Variants in SLAIN1 observed in about 807,000 individuals in gnomAD.
SLAIN1 encodes SLAIN motif-containing protein 1.
Under a neutral mutation model 55.4 loss-of-function variants are expected in SLAIN1, and 17 were observed. The ratio of observed to expected loss-of-function variants is 0.31; its 90% CI spans 0.21 to 0.46. The LOEUF is 0.46. SLAIN1 is among the 20% of genes least tolerant of loss of function. The pLI is 1.00. For missense variants in SLAIN1, 682 were observed against 785.1 expected (o/e 0.87, Z 1.57); for synonymous variants, 348 against 337.4 (o/e 1.03, Z -0.35).
At chr13:77,741,405 G>T (rs971897215) in intron 2 of SLAIN1, 3 of 987,470 alleles carry the variant, frequency 3.0e-6, no homozygotes, top group Non-Finnish European at 3.6e-6. Context: ...GCATGTCTGT[G>T]TTCTGGCTCC....
chr13:77,710,623 A>G (rs2091139119), intron 1 of SLAIN1, among the ~76,000 whole-genome samples: 1 of 152,066 alleles, frequency 6.6e-6, no homozygotes, highest in Non-Finnish European at 1.5e-5. Context: ...GGAGACTTAG[A>G]CTCCCACACA....
At chr13:77,719,384 G>A (rs2091239873) in intron 1 of SLAIN1, 148 bp from the exon 2 acceptor site, 1 of 480,836 alleles carries the variant, frequency 2.1e-6, no homozygotes, top group Non-Finnish European at 3.5e-6. Context: ...GGGGATATTT[G>A]CCTGTTAAAA....
At chr13:77,718,458 A>G (rs181790042) in intron 1 of SLAIN1, among the ~76,000 whole-genome samples, 1 of 152,262 alleles carries the variant, frequency 6.6e-6, no homozygotes, top group East Asian at 1.9e-4. Flanking sequence ...TCCTTTACAG[A>G]AAACATTTGG....
intron 6 of SLAIN1, among the ~76,000 whole-genome samples, chr13:77,761,475 T>C (rs1875015373): frequency 6.6e-6 from 1 of 152,178 alleles, no homozygotes; most frequent in Non-Finnish European, 1.5e-5. Context: ...TATCCAAAAA[T>C]TGTAGGGCGG....
chr13:77,730,199 T>G (rs544691707), intron 2 of SLAIN1, among the ~76,000 whole-genome samples: 1 of 152,238 alleles, frequency 6.6e-6, no homozygotes, highest in African/African-American at 2.4e-5. Flanking sequence ...CAGTTAAAGA[T>G]TCTGGATTTT....
chr13:77,726,404 G>A (rs2091308662), intron 2 of SLAIN1, among the ~76,000 whole-genome samples: 1 of 151,998 alleles, frequency 6.6e-6, no homozygotes, highest in Admixed American at 6.6e-5. Context: ...ATTCTTATAG[G>A]GAATATTAAT....
rs774796715 is a variant in SLAIN1 at position 77,753,254 on chromosome 13, C to T, written c.1310C>T (p.Ala437Val). 2.5e-6 allele frequency: 4 copies of T among 1,612,820 alleles called. No homozygotes were observed. The highest frequency in any genetic ancestry group is 1.7e-6 in the Non-Finnish European group (2 of 1,179,446). Residue 437 changes from alanine (A) to valine (V), a missense_variant, in exon 5 of 7, where the codon GCC becomes GTC. Physicochemically the swap from Ala to Val is moderately conservative, Grantham distance 64 (BLOSUM62 0). Transcript: ENST00000418532. ...PNLARMPSTT[A>V]ISSNISSPVT... is the part of the protein sequence containing the mutation. ...CTAGCCCGGATGCCAAGTACAACTG[C>T]CATTAGTAGCAACATTAGTTCTCCG...
chr13:77,710,169 A>G (rs1279379249), intron 1 of SLAIN1, among the ~76,000 whole-genome samples: 2 of 152,192 alleles, frequency 1.3e-5, no homozygotes, highest in Admixed American at 6.5e-5. Context: ...AACCACATCA[A>G]CTAATGGGCA....
intron 1 of SLAIN1, among the ~76,000 whole-genome samples, chr13:77,706,383 ACTT>A (rs922748861): frequency 1.3e-5 from 2 of 152,098 alleles, no homozygotes; most frequent in Admixed American, 6.6e-5. Context: ...TAGTAATGGC[ACTT>A]CTTCTCTCCT....
At chr13:77,727,585 A>G (rs1012299430) in intron 2 of SLAIN1, among the ~76,000 whole-genome samples, 7 of 151,824 alleles carry the variant, frequency 4.6e-5, no homozygotes, top group Non-Finnish European at 1.0e-4. Flanking sequence ...TGGGGGTTTC[A>G]GTCTGTTTTG....
In SLAIN1 at chr13:77,698,554, C is replaced by A; in HGVS notation, c.626+15C>A. 7.1e-7 allele frequency: 1 copy of A among 1,408,988 alleles called. No homozygotes were observed. The highest frequency in any genetic ancestry group is 1.6e-5 in the South Asian group (1 of 64,036). 87.3% of individuals were successfully genotyped at this position (1,408,988 alleles called of 1,614,324 possible). A position where few individuals can be genotyped will look rare whatever the true frequency, so the allele number is the denominator to read the frequency against. On this transcript the variant is annotated intron_variant, in intron 1 of 6. Transcript: ENST00000418532. The surrounding 1 kb of genome is among the most constrained non-coding windows in gnomAD (Gnocchi z 4.1). ...GACTACACCTGGTACTGCCTGGCTCCGCTCCTTCCCCGAGACCCTGGCCTC... is the reference window on the plus strand; with the variant it reads ...GACTACACCTGGTACTGCCTGGCTCAGCTCCTTCCCCGAGACCCTGGCCTC...
intron 5 of SLAIN1, among the ~76,000 whole-genome samples, chr13:77,760,451 TCTC>T (rs1167711336): frequency 1.3e-5 from 2 of 152,140 alleles, no homozygotes; most frequent in African/African-American, 2.4e-5. Context: ...TATTAAAGTA[TCTC>T]CTCATTTTAT....
rs1041353822 is a variant in SLAIN1 at position 77,720,135 on chromosome 13, G to A, written c.766+464G>A. ...TTAAAAACTAAGAAATCTTCATATT[G>A]TCTGTAACATTAATTAACTTATGGA... On this transcript the variant is annotated intron_variant, in intron 2 of 6. Transcript: ENST00000418532. Among the ~76,000 whole-genome samples, 9 of 151,886 alleles carry A rather than the reference G, an allele frequency of 5.9e-5. No individual in the cohort carries two copies. In the East Asian group the frequency reaches 1.3e-3, roughly 23 times the overall value.
intron 5 of SLAIN1, among the ~76,000 whole-genome samples, chr13:77,757,398 G>T (rs1874679159): frequency 6.6e-6 from 1 of 151,788 alleles, no homozygotes; most frequent in African/African-American, 2.4e-5. Flanking sequence ...TTTTTATAAA[G>T]CTTTTTGACT....
chr13:77,747,007 A>G (rs1053013419), intron 4 of SLAIN1, 152 bp downstream of exon 4: 1 of 665,258 alleles, frequency 1.5e-6, no homozygotes, highest in African/African-American at 1.8e-5. Context: ...GCTCACTGCA[A>G]CCTCCACCTC....
rs1221301495 is a variant in SLAIN1 at position 77,698,399 on chromosome 13, C to T, written c.486C>T (p.Gly162=). The stretch of plus-strand genomic sequence containing the variant: ...CAGGCTTCTTCGGCGCGGGCGGTGG[C>T]GGGCCGGAGCCGGGGGGCGCGGGGA... ...PAAGFFGAGG[G]GPEPGGAGTP... is the part of the protein sequence containing the mutation. Residue 162 remains glycine (G), a synonymous_variant, in exon 1 of 7, where the codon GGC becomes GGT. Transcript: ENST00000418532. This position sits in a 1 kb window ranked among gnomAD's most constrained non-coding sequence, Gnocchi z 4.1. 1.4e-6 allele frequency: 2 copies of T among 1,404,424 alleles called. No homozygotes were observed. Among genetic ancestry groups the T allele is most frequent in the Non-Finnish European group, 1.8e-6 (2 of 1,081,734 alleles). The allele number at this position is 1,404,424 out of a possible 1,614,324, so 87.0% of individuals were successfully genotyped here. A position where few individuals can be genotyped will look rare whatever the true frequency, so the allele number is the denominator to read the frequency against.
chr13:77,752,397 C>T (rs1210239015), intron 4 of SLAIN1, among the ~76,000 whole-genome samples: 3 of 150,362 alleles, frequency 2.0e-5, no homozygotes, highest in East Asian at 2.0e-4. Context: ...GTTTTAGCCA[C>T]TTATTGAATA....
intron 1 of SLAIN1, among the ~76,000 whole-genome samples, chr13:77,712,195 C>CAT (rs1162989184): frequency 6.6e-6 from 1 of 152,136 alleles, no homozygotes; most frequent in Non-Finnish European, 1.5e-5. Flanking sequence ...TCCTATTCAA[C>CAT]ATAGTATTGG....
At chr13:77,757,678 T>A (rs535432299) in intron 5 of SLAIN1, among the ~76,000 whole-genome samples, 5 of 152,256 alleles carry the variant, frequency 3.3e-5, no homozygotes, top group African/African-American at 1.2e-4. Flanking sequence ...TGAGAGAACA[T>A]ACGATATTTA....
Sources: gnomAD v4.1 joint callset for allele counts (sites outside exome capture counted in the v4.1 genomes callset) on GRCh38, gnomAD v4.1.1 for gene constraint, Gnocchi (gnomAD v3.1) non-coding constraint, MANE v1.5 for transcripts, NCBI Gene and HGNC (gene_info 2026-07-23, HGNC 2026-07-21) for gene names.